DMD: variants seen among roughly 807,000 people sequenced by gnomAD.
DMD encodes dystrophin.
Under a neutral mutation model 330.1 loss-of-function variants are expected in DMD, and 63 were observed. The ratio of observed to expected loss-of-function variants is 0.19; its 90% CI spans 0.16 to 0.24. DMD has a LOEUF of 0.24. Among genes scored for constraint, DMD ranks in the 10% least tolerant of loss-of-function variants. The probability of loss-of-function intolerance (pLI) is 1.00; values close to 1 mark genes in which losing one functional copy is unlikely to be tolerated. For synonymous variants in DMD, 1,223 were observed against 959.8 expected, an observed-to-expected ratio of 1.27 and a Z score of -5.07; for missense variants, 3,344 against 2,684.1, an observed-to-expected ratio of 1.25 and a Z score of -5.43.
chrX:31,640,434 T>A lies in DMD; in HGVS notation c.8028-12572A>T, dbSNP rs186289629. Among the ~76,000 whole-genome samples, 4 of 112,664 alleles carry A rather than the reference T, an allele frequency of 3.6e-5. No homozygotes were observed. The Admixed American group carries it at 3.8e-4, about 11-fold the overall frequency. On this transcript the variant is annotated intron_variant, in intron 54 of 78. Transcript: ENST00000357033. ...AAGAATGACAACGAGGAAGCTTTTT[T>A]TGTTATGATTTTTTATAACTGCGCA...
intron 1 of DMD, among the ~76,000 whole-genome samples, chrX:33,286,649 T>C (rs1200091164): frequency 8.9e-6 from 1 of 112,157 alleles, no homozygotes; most frequent in East Asian, 2.8e-4. Flanking sequence ...GTTGTGTATG[T>C]ATGTGTGTAT....
intron 16 of DMD, among the ~76,000 whole-genome samples, chrX:32,554,297 C>T (rs2049915915): frequency 9.0e-6 from 1 of 110,824 alleles, no homozygotes; most frequent in African/African-American, 3.3e-5. Flanking sequence ...ACATGAAAAA[C>T]CCTCCAAAAA....
intron 52 of DMD, among the ~76,000 whole-genome samples, chrX:31,684,713 G>A (rs182223687): frequency 6.8e-4 from 76 of 112,312 alleles, no homozygotes; most frequent in Middle Eastern, 4.6e-3. Flanking sequence ...GAACAATTAA[G>A]AGGAATTAAA....
intron 1 of DMD, among the ~76,000 whole-genome samples, chrX:33,326,935 TA>T (rs1306724633): frequency 9.0e-6 from 1 of 111,478 alleles, no homozygotes; most frequent in East Asian, 2.8e-4. Context: ...TGGCTCTCTA[TA>T]AAGAGGAAAT....
chrX:32,444,383 C>T (rs2098295017), intron 27 of DMD, among the ~76,000 whole-genome samples: 1 of 110,207 alleles, frequency 9.1e-6, no homozygotes, highest in African/African-American at 3.3e-5. Context: ...ACAAAAATTC[C>T]AGTAAAGGCA....
At chrX:32,166,723 G>A (rs915372649) in intron 44 of DMD, among the ~76,000 whole-genome samples, 2 of 111,259 alleles carry the variant, frequency 1.8e-5, no homozygotes, top group African/African-American at 3.3e-5. Flanking sequence ...TGAGTGAACA[G>A]GTAAAGCTAG....
At chrX:31,819,763 A>C (rs2092712878) in intron 50 of DMD, among the ~76,000 whole-genome samples, 1 of 113,003 alleles carries the variant, frequency 8.8e-6, no homozygotes, top group Non-Finnish European at 1.9e-5. Flanking sequence ...TCTCCAGAGA[A>C]CACTCCCCAT....
chrX:31,683,091 G>A (rs16989784), intron 52 of DMD, among the ~76,000 whole-genome samples: 1 of 111,805 alleles, frequency 8.9e-6, no homozygotes, highest in African/African-American at 3.3e-5. Flanking sequence ...TCCTTGGGGT[G>A]TGCATCCCAC....
intron 29 of DMD, among the ~76,000 whole-genome samples, chrX:32,422,066 G>A (rs1322976691): frequency 1.8e-5 from 2 of 111,067 alleles, no homozygotes; most frequent in Non-Finnish European, 3.8e-5. Flanking sequence ...TCCTCTGCTT[G>A]GTTTAGTTGT....
At chrX:31,520,539 C>T (rs5972396) in intron 55 of DMD, among the ~76,000 whole-genome samples, 11,961 of 110,906 alleles carry the variant, frequency 0.11, 638 homozygotes, top group Admixed American at 0.2. Flanking sequence ...CAGTGTGAAA[C>T]GAACTAATAT....
At chrX:31,322,440 T>C (rs2056492565) in intron 62 of DMD, among the ~76,000 whole-genome samples, 1 of 111,872 alleles carries the variant, frequency 8.9e-6, no homozygotes, top group Non-Finnish European at 1.9e-5. Context: ...ATTCATAAAA[T>C]ATGAAAACTA....
At chrX:32,751,370 C>A (rs144378005) in intron 7 of DMD, among the ~76,000 whole-genome samples, 175 of 111,289 alleles carry the variant, frequency 1.6e-3, no homozygotes, top group African/African-American at 5.5e-3. Flanking sequence ...ACAAAAGTGA[C>A]TCATTATATT....
chrX:33,312,817 C>T (rs1241190494), intron 1 of DMD, among the ~76,000 whole-genome samples: 1 of 111,490 alleles, frequency 9.0e-6, no homozygotes, highest in Non-Finnish European at 1.9e-5. Flanking sequence ...AGCACTGTAA[C>T]TCAAGCCTGA....
rs201778235 is a variant in DMD at position 33,302,535 on chromosome X, G to A, written c.7+36724C>T. On this transcript the variant is annotated intron_variant, in intron 1 of 17. Coordinates refer to the DMD transcript ENST00000288447. Reference sequence around the variant, plus strand: ...TCTTGGGCATTTATATTTCTTTTGCGGTAAGCTATTTGTTCTCTTTACTCT... The same window carrying A: ...TCTTGGGCATTTATATTTCTTTTGCAGTAAGCTATTTGTTCTCTTTACTCT... Among the ~76,000 whole-genome samples the A allele has an allele frequency of 5.2e-4, 58 of 111,424 alleles. No individual in the cohort carries two copies. In the East Asian group the frequency reaches 9.6e-3, roughly 18 times the overall value.
chrX:31,334,833 T>TCTTC (rs1348466868), intron 61 of DMD, among the ~76,000 whole-genome samples: 1 of 111,975 alleles, frequency 8.9e-6, no homozygotes, highest in East Asian at 2.8e-4. Flanking sequence ...TCACCATCTT[T>TCTTC]CTTCCTTGGC....
chrX:32,761,988 A>C (rs1375660892), intron 7 of DMD, among the ~76,000 whole-genome samples: 1 of 108,466 alleles, frequency 9.2e-6, no homozygotes, highest in Non-Finnish European at 1.9e-5. Flanking sequence ...GTCTCTACTA[A>C]AAACACAAAA....
intron 52 of DMD, among the ~76,000 whole-genome samples, chrX:31,703,273 G>T (rs1251700197): frequency 8.9e-6 from 1 of 111,841 alleles, no homozygotes; most frequent in East Asian, 2.8e-4. Flanking sequence ...TAGTTTCTTG[G>T]CTTCTGCTGC....
chrX:32,663,168 C>T (rs1285776504), intron 9 of DMD, among the ~76,000 whole-genome samples: 1 of 111,739 alleles, frequency 8.9e-6, no homozygotes, highest in Non-Finnish European at 1.9e-5. Context: ...CTTGCCAATG[C>T]ATTCGATGCC....
At chrX:32,737,695 G>A (rs1053140844) in intron 7 of DMD, among the ~76,000 whole-genome samples, 8 of 111,602 alleles carry the variant, frequency 7.2e-5, no homozygotes, top group Non-Finnish European at 1.5e-4. Context: ...TGCTGAACAC[G>A]CAATAAGGTG....
Sources: gnomAD v4.1 joint callset for allele counts (sites outside exome capture counted in the v4.1 genomes callset) on GRCh38, gnomAD v4.1.1 for gene constraint, MANE v1.5 for transcripts, NCBI Gene and HGNC (gene_info 2026-07-23, HGNC 2026-07-21) for gene names.